CAMKMT: variants seen among roughly 807,000 people sequenced by gnomAD.
CAMKMT encodes the protein CaM KMT.
CAMKMT carries 53 observed loss-of-function variants against 48.0 expected under a neutral mutation model. The observed-to-expected ratio is 1.10, with a 90% CI of 0.89 to 1.39. The LOEUF (loss-of-function observed/expected upper bound fraction) is 1.39, where lower values mean the gene tolerates loss of function less well. Among genes scored for constraint, CAMKMT ranks in the 40% most tolerant of loss-of-function variants. The pLI is 0.00. For synonymous variants in CAMKMT, 165 were observed against 152.3 expected, an observed-to-expected ratio of 1.08 and a Z score of -0.61; for missense variants, 428 against 402.7, an observed-to-expected ratio of 1.06 and a Z score of -0.54.
At chr2:44,511,856 C>G (rs1356148654) in intron 3 of CAMKMT, among the ~76,000 whole-genome samples, 1 of 152,126 alleles carries the variant, frequency 6.6e-6, no homozygotes, top group Non-Finnish European at 1.5e-5. Context: ...CTTGACCACC[C>G]TATTTAATAA....
At chr2:44,686,486 C>T (rs529025164) in intron 3 of CAMKMT, among the ~76,000 whole-genome samples, 4 of 151,958 alleles carry the variant, frequency 2.6e-5, no homozygotes, top group South Asian at 2.1e-4. Context: ...TTCTTAATTT[C>T]GAGAAGTATA....
intron 3 of CAMKMT, among the ~76,000 whole-genome samples, chr2:44,450,946 C>T (rs1667256484): frequency 6.6e-6 from 1 of 152,060 alleles, no homozygotes; most frequent in Non-Finnish European, 1.5e-5. Context: ...TCTGTGCTCT[C>T]TGACTTGTTG....
intron 3 of CAMKMT, among the ~76,000 whole-genome samples, chr2:44,598,539 C>T (rs1235777855): frequency 1.3e-5 from 2 of 150,984 alleles, no homozygotes; most frequent in Non-Finnish European, 2.9e-5. Flanking sequence ...TAATGAACAG[C>T]CTGACAAGTA....
At chr2:44,704,372 A>C (rs1415908998) in intron 4 of CAMKMT, 29 bp downstream of exon 4, 2 of 1,473,226 alleles carry the variant, frequency 1.4e-6, no homozygotes, top group Non-Finnish European at 1.8e-6. Flanking sequence ...GATATTTTTT[A>C]GCCCATCACG....
At chr2:44,768,768 G>C (rs1391508442) in intron 10 of CAMKMT, among the ~76,000 whole-genome samples, 1 of 152,158 alleles carries the variant, frequency 6.6e-6, no homozygotes, top group Non-Finnish European at 1.5e-5. Context: ...TCCATCTTGA[G>C]CGGCAATCAG....
intron 3 of CAMKMT, among the ~76,000 whole-genome samples, chr2:44,556,518 G>A (rs1668022838): frequency 4.4e-5 from 1 of 22,638 alleles, no homozygotes. Flanking sequence ...GTCGGACTGC[G>A]GACTGCAGTG....
At chr2:44,732,241 A>G (rs897921607) in intron 7 of CAMKMT, among the ~76,000 whole-genome samples, 4 of 152,250 alleles carry the variant, frequency 2.6e-5, no homozygotes, top group Non-Finnish European at 4.4e-5. Context: ...GGCATGAGCC[A>G]TAGTGCCCAG....
chr2:44,665,330 C>G lies in CAMKMT; in HGVS notation c.377-38953C>G, dbSNP rs113589591. On this transcript the variant is annotated intron_variant, in intron 3 of 10. Transcript: ENST00000378494. ...AGGTGATCCTCCCGCCTCTGCCTCC[C>G]AAAGTGCTGGGATTACAGGTGTGAG... Among the ~76,000 whole-genome samples the G allele has an allele frequency of 4.8e-3, 734 of 152,250 alleles. 8 individuals carry two copies. Among genetic ancestry groups the G allele is most frequent in the African/African-American group, 0.017 (692 of 41,528 alleles).
At chr2:44,579,111 C>T (rs546799211) in intron 3 of CAMKMT, among the ~76,000 whole-genome samples, 26 of 152,308 alleles carry the variant, frequency 1.7e-4, no homozygotes, top group Non-Finnish European at 2.5e-4. Flanking sequence ...TTATAGCTGT[C>T]ATTGGCAGTG....
intron 3 of CAMKMT, among the ~76,000 whole-genome samples, chr2:44,609,395 GTTAA>G (rs2103889363): frequency 6.6e-6 from 1 of 152,312 alleles, no homozygotes; most frequent in South Asian, 2.1e-4. Context: ...TAATCCGTTT[GTTAA>G]TTAGCTAACT....
intron 3 of CAMKMT, among the ~76,000 whole-genome samples, chr2:44,462,353 C>A (rs1285688298): frequency 6.6e-6 from 1 of 152,030 alleles, no homozygotes; most frequent in Non-Finnish European, 1.5e-5. Flanking sequence ...TAGACACTTA[C>A]ACATGATTTT....
chr2:44,366,362 A>G (rs1196676546), intron 1 of CAMKMT, among the ~76,000 whole-genome samples: 1 of 152,216 alleles, frequency 6.6e-6, no homozygotes, highest in Non-Finnish European at 1.5e-5. Flanking sequence ...GATGCTCTTC[A>G]CTGATCTATA....
intron 3 of CAMKMT, among the ~76,000 whole-genome samples, chr2:44,425,418 G>A (rs550932686): frequency 4.5e-4 from 68 of 152,206 alleles, no homozygotes; most frequent in African/African-American, 1.2e-3. Context: ...GCAAGTTATC[G>A]TAGAAGTATA....
chr2:44,718,407 TCCATCCATGCAG>T (rs1558815965), intron 7 of CAMKMT, among the ~76,000 whole-genome samples: 1 of 152,218 alleles, frequency 6.6e-6, no homozygotes, highest in Non-Finnish European at 1.5e-5. Context: ...TTATTTGTTG[TCCATCCATGCAG>T]CCATCCATTC....
chr2:44,414,467 G>A (rs1336288506), intron 3 of CAMKMT, among the ~76,000 whole-genome samples: 1 of 152,166 alleles, frequency 6.6e-6, no homozygotes, highest in East Asian at 1.9e-4. Context: ...CTTGCTAACT[G>A]TTGATTAGAT....
intron 3 of CAMKMT, among the ~76,000 whole-genome samples, chr2:44,516,768 G>A (rs1237621246): frequency 7.1e-6 from 1 of 140,592 alleles, no homozygotes. Context: ...TTGAGACGGA[G>A]TCTCACTCTG....
chr2:44,630,403 C>A (rs372615874), intron 3 of CAMKMT, among the ~76,000 whole-genome samples: 10 of 151,506 alleles, frequency 6.6e-5, no homozygotes, highest in Admixed American at 2.6e-4. Context: ...AATGGGATCT[C>A]ATTAAACTAA....
At chr2:44,669,134 T>A (rs1675180442) in intron 3 of CAMKMT, among the ~76,000 whole-genome samples, 1 of 152,234 alleles carries the variant, frequency 6.6e-6, no homozygotes, top group Admixed American at 6.5e-5. Context: ...AATATACATA[T>A]GTATCCCTAA....
intron 3 of CAMKMT, among the ~76,000 whole-genome samples, chr2:44,393,979 A>C (rs765359594): frequency 6.6e-6 from 1 of 152,222 alleles, no homozygotes; most frequent in African/African-American, 2.4e-5. Flanking sequence ...TGGATACCAT[A>C]GTATCTAATT....
Sources: gnomAD v4.1 joint callset for allele counts (sites outside exome capture counted in the v4.1 genomes callset) on GRCh38, gnomAD v4.1.1 for gene constraint, MANE v1.5 for transcripts, NCBI Gene and HGNC (gene_info 2026-07-23, HGNC 2026-07-21) for gene names.